Variants in EFNA5 observed in about 807,000 individuals in gnomAD.
The protein encoded by EFNA5 is ephrin-A5.
Under a neutral mutation model 22.9 loss-of-function variants are expected in EFNA5, and 5 were observed. The observed-to-expected ratio is 0.22, with a 90% CI of 0.11 to 0.46. The LOEUF is 0.46. Ranked by LOEUF, EFNA5 falls within the 20% of genes least tolerant of loss-of-function variation. The pLI, the probability that EFNA5 is intolerant of heterozygous loss-of-function variation, is 0.99. For missense variants in EFNA5, 237 were observed against 293.3 expected (o/e 0.81, Z 1.40); for synonymous variants, 113 against 112.2 (o/e 1.01, Z -0.04).
chr5:107,544,636 C>G (rs555837470), intron 1 of EFNA5, among the ~76,000 whole-genome samples: 1 of 152,178 alleles, frequency 6.6e-6, no homozygotes, highest in Non-Finnish European at 1.5e-5. Context: ...AAGAGCAATT[C>G]AGGCGCTGGT....
At chr5:107,529,943 A>G (rs1291736664) in intron 1 of EFNA5, among the ~76,000 whole-genome samples, 1 of 152,220 alleles carries the variant, frequency 6.6e-6, no homozygotes, top group Non-Finnish European at 1.5e-5. Context: ...TATACATGTC[A>G]TTGCCTTATG....
At chr5:107,538,350 C>G (rs1747968966) in intron 1 of EFNA5, among the ~76,000 whole-genome samples, 3 of 152,158 alleles carry the variant, frequency 2.0e-5, no homozygotes, top group Admixed American at 2.0e-4. Flanking sequence ...ACTTACTGAG[C>G]CTCTATTATG....
At chr5:107,423,841 G>C (rs903844927) in intron 2 of EFNA5, among the ~76,000 whole-genome samples, 1 of 152,044 alleles carries the variant, frequency 6.6e-6, no homozygotes, top group Non-Finnish European at 1.5e-5. Context: ...GTTATTCTTG[G>C]GAGTTAAAAT....
intron 1 of EFNA5, among the ~76,000 whole-genome samples, chr5:107,602,856 A>G (rs560433764): frequency 3.6e-4 from 55 of 152,116 alleles, no homozygotes; most frequent in Non-Finnish European, 6.0e-4. Flanking sequence ...AAAAATACTA[A>G]TTAGAAGAGC....
At chr5:107,391,557 C>T (rs1443080273) in intron 2 of EFNA5, among the ~76,000 whole-genome samples, 1 of 152,146 alleles carries the variant, frequency 6.6e-6, no homozygotes, top group East Asian at 1.9e-4. Context: ...CCTCTAAAGA[C>T]ACATGGATTT....
intron 1 of EFNA5, among the ~76,000 whole-genome samples, chr5:107,604,401 G>A (rs1468502633): frequency 6.6e-6 from 1 of 152,014 alleles, no homozygotes; most frequent in Middle Eastern, 3.2e-3. Flanking sequence ...AGAGCACATT[G>A]GTTGTGTGGC....
intron 1 of EFNA5, among the ~76,000 whole-genome samples, chr5:107,445,723 T>C (rs1239093740): frequency 1.3e-5 from 2 of 152,284 alleles, no homozygotes; most frequent in South Asian, 2.1e-4. Flanking sequence ...CGAACACTAA[T>C]AGGCGTCCTC....
chr5:107,509,647 T>C (rs1747324434), intron 1 of EFNA5, among the ~76,000 whole-genome samples: 1 of 152,114 alleles, frequency 6.6e-6, no homozygotes, highest in Non-Finnish European at 1.5e-5. Context: ...TCAACTCTTT[T>C]TACACCCCTT....
intron 1 of EFNA5, among the ~76,000 whole-genome samples, chr5:107,541,212 ATAAT>A (rs1748040344): frequency 6.6e-6 from 1 of 152,340 alleles, no homozygotes; most frequent in Non-Finnish European, 1.5e-5. Context: ...AATTATTAAT[ATAAT>A]TACATAATTA....
intron 1 of EFNA5, among the ~76,000 whole-genome samples, chr5:107,532,426 T>C (rs112613744): frequency 1.1e-3 from 163 of 152,316 alleles, no homozygotes; most frequent in Middle Eastern, 0.01. Flanking sequence ...CCAGAAATCC[T>C]CACACACATT....
intron 1 of EFNA5, among the ~76,000 whole-genome samples, chr5:107,471,616 A>C (rs912835718): frequency 7.2e-5 from 11 of 152,202 alleles, no homozygotes; most frequent in African/African-American, 2.7e-4. Flanking sequence ...CCAACTGAAT[A>C]ATGTAGCCTG....
At chr5:107,556,202 C>T (rs1748410506) in intron 1 of EFNA5, among the ~76,000 whole-genome samples, 1 of 152,194 alleles carries the variant, frequency 6.6e-6, no homozygotes, top group Admixed American at 6.5e-5. Flanking sequence ...TTCCTATCCA[C>T]CTTAGTCTCT....
At position 107,496,164 on chromosome 5, in the gene EFNA5, TAAAAA is replaced by T. The variant is rs35565454; in HGVS notation, c.126-68660_126-68656del. Among the ~76,000 whole-genome samples, 21 of 93,200 alleles carry T rather than the reference TAAAAA, an allele frequency of 2.3e-4. No homozygotes were observed. The South Asian group carries it at 5.1e-3, about 23-fold the overall frequency. 61.1% of individuals were successfully genotyped at this position (93,200 alleles called of 152,430 possible). On this transcript the variant is annotated intron_variant, in intron 1 of 4. Transcript: ENST00000333274. ...AACATGGTGAAACCCCTGTCTCTGC[TAAAAA>T]AAAAAAAAAAAAAAAAAATACATAA...
chr5:107,405,920 C>T (rs1697179), intron 2 of EFNA5, among the ~76,000 whole-genome samples: 3 of 133,708 alleles, frequency 2.2e-5, no homozygotes, highest in Non-Finnish European at 4.7e-5. Flanking sequence ...AGAATGTATA[C>T]AAATACATAT....
intron 1 of EFNA5, among the ~76,000 whole-genome samples, chr5:107,547,602 C>A (rs1748192724): frequency 6.6e-6 from 1 of 151,610 alleles, no homozygotes. Context: ...TTAGTGTTTA[C>A]CCCTGGCAGG....
At chr5:107,558,626 A>C (rs1748472519) in intron 1 of EFNA5, among the ~76,000 whole-genome samples, 1 of 152,210 alleles carries the variant, frequency 6.6e-6, no homozygotes, top group South Asian at 2.1e-4. Context: ...AGAGATTTAA[A>C]TTGCTCTTTG....
At chr5:107,658,992 C>A (rs1750885910) in intron 1 of EFNA5, among the ~76,000 whole-genome samples, 3 of 152,136 alleles carry the variant, frequency 2.0e-5, no homozygotes, top group Admixed American at 1.3e-4. Context: ...AATAAATCTA[C>A]ATGTGCACAT....
At chr5:107,436,637 A>AC (rs886725530) in intron 1 of EFNA5, among the ~76,000 whole-genome samples, 6 of 151,794 alleles carry the variant, frequency 4.0e-5, no homozygotes, top group African/African-American at 1.4e-4. Flanking sequence ...AGAGTTTTAC[A>AC]CCCCCCAGCC....
At chr5:107,546,102 G>A (rs1009014854) in intron 1 of EFNA5, among the ~76,000 whole-genome samples, 45 of 152,098 alleles carry the variant, frequency 3.0e-4, no homozygotes, top group African/African-American at 1.0e-3. Context: ...TTTCCCTTAA[G>A]CGATATCAAA....
Sources: allele counts gnomAD v4.1 joint callset (sites outside exome capture counted in the v4.1 genomes callset), GRCh38; gene constraint gnomAD v4.1.1; transcripts MANE v1.5; gene names NCBI Gene and HGNC (gene_info 2026-07-23, HGNC 2026-07-21).